MYO18A: variants seen among roughly 807,000 people sequenced by gnomAD.
The protein encoded by MYO18A is myosin XVIIIA.
Under a neutral mutation model 235.8 loss-of-function variants are expected in MYO18A, and 78 were observed. That is an observed-to-expected ratio of 0.33 (90% confidence interval 0.28 to 0.40). The LOEUF is 0.40. Among genes scored for constraint, MYO18A ranks in the 10% least tolerant of loss-of-function variants. The pLI is 1.00. For synonymous variants in MYO18A, 977 were observed against 1,077.8 expected, an observed-to-expected ratio of 0.91 and a Z score of 1.83; for missense variants, 2,215 against 2,699.3, an observed-to-expected ratio of 0.82 and a Z score of 3.98.
rs1228188085 is a variant in MYO18A, at chr17:29,115,775, G to A, written c.2116C>T (p.Leu706=). ...QKAAYLLGCS[L]EELSSAIFKH... is the part of the protein sequence containing the mutation. Reference sequence around the variant, plus strand: ...AAGATGGCTGAGGACAGCTCCTCCAGGCTGCAGCCCAGTAGGTACGCAGCC... The same window carrying A: ...AAGATGGCTGAGGACAGCTCCTCCAAGCTGCAGCCCAGTAGGTACGCAGCC... Residue 706 remains leucine (L), a synonymous_variant, in exon 12 of 42, where the codon CTG becomes TTG. Coordinates refer to ENST00000527372, the MANE Select transcript of MYO18A (RefSeq NM_078471.4). 1 of 1,594,496 alleles carries A rather than the reference G, an allele frequency of 6.3e-7. No individual in the cohort carries two copies. Among genetic ancestry groups the A allele is most frequent in the Admixed American group, 1.7e-5 (1 of 57,254 alleles).
chr17:29,094,247 C>T, intron 30 of MYO18A, 157 bp from the exon 31 acceptor site: 2 of 626,922 alleles, frequency 3.2e-6, no homozygotes, highest in Non-Finnish European at 5.6e-6. Context: ...TTCTCCAGAG[C>T]AGCTGAACTC....
Position 29,115,033 on chromosome 17 carries a change from G to T in MYO18A, c.2385C>A (p.Asn795Lys), listed in dbSNP as rs961772120. 1 of 1,614,000 alleles carries T rather than the reference G, an allele frequency of 6.2e-7. No individual in the cohort carries two copies. The highest frequency in any genetic ancestry group is 1.1e-5 in the South Asian group (1 of 91,078). ...MMIVDTPGFQ[N>K]PEQGGSARGA... Reference sequence around the variant, plus strand: ...CGCGGGCTGACCCACCCTGCTCAGGGTTCTGGAAGCCCGGGGTGTCGACAA... The same window carrying T: ...CGCGGGCTGACCCACCCTGCTCAGGTTTCTGGAAGCCCGGGGTGTCGACAA... Residue 795 changes from asparagine (N) to lysine (K), a missense_variant, in exon 14 of 42, where the codon AAC (asparagine) becomes AAA (lysine). Coordinates refer to ENST00000527372, the MANE Select transcript of MYO18A (RefSeq NM_078471.4).
In MYO18A at chr17:29,140,452, C is replaced by G. The variant is rs1360679121; in HGVS notation, c.1000-18199G>C. The stretch of plus-strand genomic sequence containing the variant: ...GCTGTGGCCCCGCCCAGTTCCCGCC[C>G]TCTCCCCGGCCCCTCCCGTCCCGAG... On this transcript the variant is annotated intron_variant, in intron 2 of 41. Coordinates refer to ENST00000527372, the MANE Select transcript of MYO18A (RefSeq NM_078471.4). This position sits in a 1 kb window ranked among gnomAD's most constrained non-coding sequence, Gnocchi z 4.2. 3 of 1,230,922 alleles carry G rather than the reference C, an allele frequency of 2.4e-6. No individual in the cohort carries two copies. The East Asian group carries it at 1.8e-4, about 74-fold the overall frequency. 76.2% of individuals were successfully genotyped at this position (1,230,922 alleles called of 1,614,324 possible).
intron 1 of MYO18A, among the ~76,000 whole-genome samples, chr17:29,173,478 C>T (rs183119467): frequency 0.011 from 1,687 of 151,392 alleles, 14 homozygotes; most frequent in Non-Finnish European, 0.02. Flanking sequence ...AGCTCCGCCT[C>T]CCGGGTTCAC....
At position 29,072,353 on chromosome 17, in the gene MYO18A, C is replaced by T. The variant is rs1230882994; in HGVS notation, c.*2417G>A. On this transcript the variant is annotated 3_prime_UTR_variant, in exon 42 of 42. Coordinates refer to ENST00000527372, the MANE Select transcript of MYO18A (RefSeq NM_078471.4). ...CAGCCTGCTCAACATGGCGAAACCC[C>T]GTCTCTATTAAAAATACAAAAATTA... The T allele has an allele frequency of 1.3e-5, 2 of 151,842 alleles. No homozygotes were observed. Among genetic ancestry groups the T allele is most frequent in the Non-Finnish European group, 2.9e-5 (2 of 67,984 alleles). 9.4% of individuals were successfully genotyped at this position (151,842 alleles called of 1,614,324 possible).
chr17:29,178,497 C>T (rs1048945312), intron 1 of MYO18A, among the ~76,000 whole-genome samples: 1 of 151,106 alleles, frequency 6.6e-6, no homozygotes, highest in African/African-American at 2.4e-5. Context: ...AGGCCACAAC[C>T]CCCATGTCCT....
At chr17:29,088,033 G>A (rs2066298571) in intron 37 of MYO18A, among the ~76,000 whole-genome samples, 1 of 151,858 alleles carries the variant, frequency 6.6e-6, no homozygotes, top group South Asian at 2.1e-4. Context: ...CTGGGGTTGG[G>A]GTGGGCAGAA....
rs2067110050 is a variant in MYO18A, at chr17:29,117,856, G to A, written c.2038+189C>T. On this transcript the variant is annotated intron_variant, in intron 10 of 41. Transcript: ENST00000527372. The surrounding 1 kb of genome is among the most constrained non-coding windows in gnomAD (Gnocchi z 4.6). ...ACAGCCAGCTAAGTCCAGGCCTCGG[G>A]TCGTCACTGCCAAAGATGCTTCCCG... Among the ~76,000 whole-genome samples, 1 of 152,166 alleles carries A rather than the reference G, an allele frequency of 6.6e-6. No individual in the cohort carries two copies.
intron 19 of MYO18A, 95 bp from the exon 20 acceptor site, chr17:29,107,284 C>T (rs534382580): frequency 1.7e-6 from 2 of 1,196,634 alleles, no homozygotes; most frequent in Admixed American, 3.5e-5. Flanking sequence ...GGAGAGTCAC[C>T]AAAAGGGAAG....
intron 1 of MYO18A, among the ~76,000 whole-genome samples, chr17:29,168,565 C>T (rs536866013): frequency 6.6e-6 from 1 of 152,334 alleles, no homozygotes; most frequent in African/African-American, 2.4e-5. Flanking sequence ...AGGCCCTGGA[C>T]AGGCCTTTCC....
In MYO18A at chr17:29,093,854, G is replaced by A. The variant is rs1218783393; in HGVS notation, c.4821+126C>T. 19 of 689,842 alleles carry A rather than the reference G, an allele frequency of 2.8e-5. No individual in the cohort carries two copies. The East Asian group carries it at 3.3e-4, about 12-fold the overall frequency. The allele number at this position is 689,842 out of a possible 1,614,324, so 42.7% of individuals were successfully genotyped here. A position where few individuals can be genotyped will look rare whatever the true frequency, so the allele number is the denominator to read the frequency against. On this transcript the variant is annotated intron_variant, in intron 31 of 41. Transcript: ENST00000527372. ...TGCCAATGCTAGGATCCCGAGAGGC[G>A]CTTCCTGGCCCAGAATGACAATGGA...
rs1372548814 is a variant in MYO18A at position 29,173,339 on chromosome 17, GC to G, written c.-81-6319del. 2.6e-5 allele frequency among the ~76,000 whole-genome samples: 4 copies of G among 151,516 alleles called. No individual in the cohort carries two copies. In the East Asian group the frequency reaches 5.8e-4, roughly 22 times the overall value. Reference sequence around the variant, plus strand: ...ACTCCTGACCTCAGGTGATCTGCCTGCCTCGGCCTTCCAAAGTGCTGGGATT... The same window carrying G: ...ACTCCTGACCTCAGGTGATCTGCCTGCTCGGCCTTCCAAAGTGCTGGGATT... On this transcript the variant is annotated intron_variant, in intron 1 of 41. Coordinates refer to ENST00000527372, the MANE Select transcript of MYO18A (RefSeq NM_078471.4).
At chr17:29,168,856 A>G (rs1264464684) in intron 1 of MYO18A, among the ~76,000 whole-genome samples, 1 of 152,158 alleles carries the variant, frequency 6.6e-6, no homozygotes, top group Non-Finnish European at 1.5e-5. Context: ...CCAATACTTT[A>G]GGAGGCTGAG....
Position 29,092,476 on chromosome 17 carries a change from G to T in MYO18A, c.5074-20C>A. 1 of 1,586,726 alleles carries T rather than the reference G, an allele frequency of 6.3e-7. No homozygotes were observed. The highest frequency in any genetic ancestry group is 8.6e-7 in the Non-Finnish European group (1 of 1,162,246). On this transcript the variant is annotated intron_variant, in intron 33 of 41. Coordinates refer to ENST00000527372, the MANE Select transcript of MYO18A (RefSeq NM_078471.4). ...CTCCAGCTGGACACAGACCACCCCCGCCCCAGGGAGAGATGTCAGCCATTC... is the reference window on the plus strand; with the variant it reads ...CTCCAGCTGGACACAGACCACCCCCTCCCCAGGGAGAGATGTCAGCCATTC...
At chr17:29,164,617 G>A (rs927164539) in intron 2 of MYO18A, among the ~76,000 whole-genome samples, 2 of 152,162 alleles carry the variant, frequency 1.3e-5, no homozygotes, top group Non-Finnish European at 2.9e-5. Context: ...AGTACCAAAA[G>A]GTCCTGGTCA....
At chr17:29,134,625 C>G (rs1001420779) in intron 2 of MYO18A, among the ~76,000 whole-genome samples, 1 of 151,874 alleles carries the variant, frequency 6.6e-6, no homozygotes, top group Non-Finnish European at 1.5e-5. Flanking sequence ...CGGACTCAAG[C>G]GATTCTCCTG....
chr17:29,134,584 G>A (rs1250922605), intron 2 of MYO18A, among the ~76,000 whole-genome samples: 3 of 152,014 alleles, frequency 2.0e-5, no homozygotes, highest in Non-Finnish European at 4.4e-5. Flanking sequence ...GTACAATGGC[G>A]TGATCTCGGC....
chr17:29,133,718 C>T (rs966208067), intron 2 of MYO18A: 2 of 1,094,510 alleles, frequency 1.8e-6, no homozygotes, highest in Middle Eastern at 2.3e-4. Context: ...AGCTCCCTCT[C>T]CCACAAGCCA....
intron 15 of MYO18A, among the ~76,000 whole-genome samples, chr17:29,112,921 A>T (rs1429869497): frequency 1.3e-5 from 2 of 152,220 alleles, no homozygotes; most frequent in Non-Finnish European, 2.9e-5. Flanking sequence ...TGAAGCAATG[A>T]GATGGGAAGA....
Sources: allele counts gnomAD v4.1 joint callset (sites outside exome capture counted in the v4.1 genomes callset), GRCh38; gene constraint gnomAD v4.1.1; non-coding constraint Gnocchi (gnomAD v3.1); transcripts MANE v1.5; gene names NCBI Gene and HGNC (gene_info 2026-07-23, HGNC 2026-07-21).